Variants in TENM4 observed in about 807,000 individuals in gnomAD.
The protein encoded by TENM4 is teneurin transmembrane protein 4.
TENM4 carries 82 observed loss-of-function variants against 243.3 expected under a neutral mutation model. That is an observed-to-expected ratio of 0.34 (90% CI 0.28 to 0.40). The LOEUF is 0.40. Ranked by LOEUF, TENM4 falls within the 10% of genes least tolerant of loss-of-function variation. The probability of loss-of-function intolerance (pLI) is 1.00; values close to 1 mark genes in which losing one functional copy is unlikely to be tolerated. For missense variants in TENM4, 3,138 were observed against 3,673.3 expected (o/e 0.85, Z 3.77); for synonymous variants, 1,412 against 1,456.3 (o/e 0.97, Z 0.69).
chr11:79,172,867 C>A (rs1484034638), intron 3 of TENM4, among the ~76,000 whole-genome samples: 2 of 152,098 alleles, frequency 1.3e-5, no homozygotes, highest in Admixed American at 1.3e-4. Flanking sequence ...TCTGCAACTC[C>A]TGACCTCAAC....
intron 6 of TENM4, among the ~76,000 whole-genome samples, chr11:78,948,154 G>A (rs754234368): frequency 7.2e-5 from 11 of 152,156 alleles, no homozygotes; most frequent in Admixed American, 2.6e-4. Context: ...ATCTAAATCT[G>A]TCAGTTAATA....
At chr11:78,845,271 G>C (rs1858363098) in intron 12 of TENM4, among the ~76,000 whole-genome samples, 1 of 152,206 alleles carries the variant, frequency 6.6e-6, no homozygotes, top group South Asian at 2.1e-4. Context: ...CTGAATACTT[G>C]ACACATTTAG....
intron 6 of TENM4, among the ~76,000 whole-genome samples, chr11:78,917,288 C>T (rs1043427791): frequency 6.6e-5 from 10 of 152,286 alleles, no homozygotes; most frequent in Non-Finnish European, 1.3e-4. Flanking sequence ...TGCATGCAAA[C>T]GCCTCTACCT....
intron 3 of TENM4, among the ~76,000 whole-genome samples, chr11:79,178,234 T>G (rs1405357542): frequency 6.6e-6 from 1 of 151,984 alleles, no homozygotes; most frequent in Non-Finnish European, 1.5e-5. Context: ...TGGGAAAAAA[T>G]CAGGGAACAG....
At chr11:79,061,174 G>T (rs1860076542) in intron 6 of TENM4, among the ~76,000 whole-genome samples, 1 of 152,176 alleles carries the variant, frequency 6.6e-6, no homozygotes, top group South Asian at 2.1e-4. Flanking sequence ...AGTGTAAGAG[G>T]AACCTGAACC....
chr11:78,664,864 T>G (rs1858113464), intron 32 of TENM4, among the ~76,000 whole-genome samples: 2 of 152,190 alleles, frequency 1.3e-5, no homozygotes, highest in South Asian at 4.1e-4. Flanking sequence ...CTCAGGAAAC[T>G]AGGGGGCTGA....
chr11:78,698,031 C>G (rs945684363), intron 28 of TENM4, among the ~76,000 whole-genome samples: 3 of 152,162 alleles, frequency 2.0e-5, no homozygotes, highest in African/African-American at 7.2e-5. Context: ...CTCTGTAAAT[C>G]AAGGTGCTCT....
At chr11:79,126,190 T>C in intron 4 of TENM4, among the ~76,000 whole-genome samples, 1 of 152,176 alleles carries the variant, frequency 6.6e-6, no homozygotes, top group South Asian at 2.1e-4. Flanking sequence ...TGGTTTAATG[T>C]AGAGGAAGGG....
intron 4 of TENM4, among the ~76,000 whole-genome samples, chr11:79,077,476 T>C (rs1467831772): frequency 6.6e-6 from 1 of 152,232 alleles, no homozygotes. Context: ...AATACGCTTA[T>C]ATTGCAATCC....
chr11:78,839,892 G>A (rs1044069501), intron 12 of TENM4, among the ~76,000 whole-genome samples: 6 of 152,246 alleles, frequency 3.9e-5, no homozygotes, highest in African/African-American at 1.4e-4. Context: ...AAAGTGTTGG[G>A]GGCTTGCAAA....
intron 1 of TENM4, among the ~76,000 whole-genome samples, chr11:79,391,591 T>A (rs939279512): frequency 1.3e-5 from 2 of 152,158 alleles, no homozygotes; most frequent in Admixed American, 6.5e-5. Context: ...AACCAAAAGG[T>A]TGGGTTTTTT....
rs925239438 is a variant in TENM4, at chr11:78,676,159, C to T, written c.5489G>A (p.Arg1830Gln). Reference sequence around the variant, plus strand: ...TCCAGAGGCCTCGCTCACCCGCAGCCGGCGCCCAAAGACAGTGACCTGGCC... The same window carrying T: ...TCCAGAGGCCTCGCTCACCCGCAGCTGGCGCCCAAAGACAGTGACCTGGCC... The part of the protein sequence containing the change: ...ARGQVTVFGR[R>Q]LRVHNRNLLS... Residue 1830 changes from arginine (R) to glutamine (Q), a missense_variant, in exon 30 of 34, where the codon CGG (arginine) becomes CAG (glutamine). Coordinates refer to ENST00000278550, the MANE Select transcript of TENM4 (RefSeq NM_001098816.3). 4.6e-6 allele frequency: 7 copies of T among 1,512,610 alleles called. No individual in the cohort carries two copies. Among genetic ancestry groups the T allele is most frequent in the Non-Finnish European group, 6.3e-6 (7 of 1,118,416 alleles). The allele number at this position is 1,512,610 out of a possible 1,614,324, so 93.7% of individuals were successfully genotyped here.
intron 9 of TENM4, among the ~76,000 whole-genome samples, chr11:78,874,355 A>G (rs1455289793): frequency 6.6e-6 from 1 of 152,228 alleles, no homozygotes; most frequent in African/African-American, 2.4e-5. Flanking sequence ...TATTGAAAAT[A>G]TAAGGCATTA....
At chr11:79,436,165 C>T (rs548555258) in intron 1 of TENM4, among the ~76,000 whole-genome samples, 4 of 151,720 alleles carry the variant, frequency 2.6e-5, no homozygotes, top group African/African-American at 4.8e-5. Flanking sequence ...GAGGCCTTAT[C>T]GATGTTAAAA....
chr11:78,877,683 T>C (rs999546180), intron 9 of TENM4, among the ~76,000 whole-genome samples: 1 of 152,186 alleles, frequency 6.6e-6, no homozygotes, highest in Admixed American at 6.5e-5. Context: ...GGAGAGTGTG[T>C]TGTTTCTGCA....
chr11:78,943,499 A>G (rs1414574751), intron 6 of TENM4, among the ~76,000 whole-genome samples: 10 of 152,224 alleles, frequency 6.6e-5, no homozygotes, highest in Non-Finnish European at 1.0e-4. Context: ...CCCTCTTTAT[A>G]TATTACTTTC....
At chr11:79,050,437 G>A (rs1859765300) in intron 6 of TENM4, among the ~76,000 whole-genome samples, 1 of 152,112 alleles carries the variant, frequency 6.6e-6, no homozygotes, top group Non-Finnish European at 1.5e-5. Flanking sequence ...ACGCCTGGAG[G>A]CACCTCACTT....
chr11:79,377,034 T>C (rs1187580553), intron 1 of TENM4, among the ~76,000 whole-genome samples: 1 of 152,166 alleles, frequency 6.6e-6, no homozygotes, highest in East Asian at 1.9e-4. Context: ...CTAAATGCTA[T>C]CACAAGTGTC....
At chr11:79,136,687 T>C (rs1490167005) in intron 4 of TENM4, among the ~76,000 whole-genome samples, 2 of 152,166 alleles carry the variant, frequency 1.3e-5, no homozygotes, top group Non-Finnish European at 2.9e-5. Flanking sequence ...CTTCACGCAA[T>C]GCTTCTGCCA....
Sources: allele counts gnomAD v4.1 joint callset (sites outside exome capture counted in the v4.1 genomes callset), GRCh38; gene constraint gnomAD v4.1.1; transcripts MANE v1.5; gene names NCBI Gene and HGNC (gene_info 2026-07-23, HGNC 2026-07-21).